The following EIF4G3 variants were observed in gnomAD, a reference collection of about 807,000 sequenced individuals.
The protein encoded by EIF4G3 is eukaryotic translation initiation factor 4 gamma 3, also known as eIF-4-gamma 3.
A neutral mutation model predicts 186.4 loss-of-function variants in EIF4G3; 34 were observed. That is an observed-to-expected ratio of 0.18 (90% CI 0.14 to 0.24). EIF4G3 has a LOEUF of 0.24. EIF4G3 is among the 10% of genes least tolerant of loss of function. The pLI is 1.00. For missense variants in EIF4G3, 1,536 were observed against 1,948.5 expected (o/e 0.79, Z 3.99); for synonymous variants, 673 against 679.5 (o/e 0.99, Z 0.15).
intron 14 of EIF4G3, among the ~76,000 whole-genome samples, chr1:20,912,261 A>G (rs1005779449): frequency 6.6e-6 from 1 of 152,242 alleles, no homozygotes; most frequent in Admixed American, 6.5e-5. Context: ...TGGGTGAAAG[A>G]GTGAGACTTG....
At chr1:20,846,584 C>T (rs1291893474) in intron 29 of EIF4G3, among the ~76,000 whole-genome samples, 1 of 152,130 alleles carries the variant, frequency 6.6e-6, no homozygotes, top group Non-Finnish European at 1.5e-5. Context: ...TAATTTACTA[C>T]CTATCTTTAG....
chr1:20,962,178 T>C (rs2096583408), intron 12 of EIF4G3, among the ~76,000 whole-genome samples: 1 of 152,190 alleles, frequency 6.6e-6, no homozygotes, highest in African/African-American at 2.4e-5. Flanking sequence ...ATTCAGGAGC[T>C]AGAGGAACTG....
chr1:20,914,979 T>C (rs2093696680), intron 14 of EIF4G3, among the ~76,000 whole-genome samples: 1 of 152,280 alleles, frequency 6.6e-6, no homozygotes, highest in Admixed American at 6.5e-5. Context: ...TTCTGTTTAC[T>C]GGTTCTACCA....
intron 20 of EIF4G3, among the ~76,000 whole-genome samples, chr1:20,869,183 T>G (rs1054778822): frequency 6.6e-6 from 1 of 152,158 alleles, no homozygotes; most frequent in African/African-American, 2.4e-5. Flanking sequence ...CCAGCAGTAG[T>G]TTTGCCCCCA....
chr1:20,854,691 C>G (rs545067419), intron 26 of EIF4G3, among the ~76,000 whole-genome samples: 51 of 149,148 alleles, frequency 3.4e-4, no homozygotes, highest in Non-Finnish European at 6.4e-4. Flanking sequence ...GGTGACAGAG[C>G]GGGATCCCAT....
intron 4 of EIF4G3, among the ~76,000 whole-genome samples, chr1:21,039,518 C>T (rs772033019): frequency 3.3e-5 from 5 of 152,170 alleles, no homozygotes; most frequent in Non-Finnish European, 5.9e-5. Flanking sequence ...AACTTGTGAG[C>T]GAGGCATGGT....
chr1:21,020,967 CATTT>C (rs932731495), intron 4 of EIF4G3, among the ~76,000 whole-genome samples: 1 of 150,132 alleles, frequency 6.7e-6, no homozygotes, highest in Non-Finnish European at 1.5e-5. Flanking sequence ...AGAATGCTGG[CATTT>C]ATTTCTTATT....
intron 26 of EIF4G3, 80 bp from the exon 27 acceptor site, chr1:20,853,757 G>A (rs7543140): frequency 0.6 from 622,841 of 1,045,554 alleles, 187,603 homozygotes; most frequent in East Asian, 0.79. Flanking sequence ...ATCCCTAGGT[G>A]AGGCCTGAGA....
intron 2 of EIF4G3, among the ~76,000 whole-genome samples, chr1:21,092,043 G>A (rs555510519): frequency 5.9e-5 from 9 of 152,326 alleles, no homozygotes; most frequent in African/African-American, 1.7e-4. Context: ...TAGGAGTGGT[G>A]AGAGAGGGGC....
At position 21,082,765 on chromosome 1, in the gene EIF4G3, G is replaced by A. The variant is rs138788956; in HGVS notation, c.-196+6373C>T. 3.2e-3 allele frequency among the ~76,000 whole-genome samples: 486 copies of A among 152,012 alleles called. 2 individuals are homozygous for A. Among genetic ancestry groups the A allele is most frequent in the African/African-American group, 0.011 (454 of 41,468 alleles). The stretch of plus-strand genomic sequence containing the variant: ...AAAAAGTTTAAAAAATTGGCCGGGC[G>A]CGGTGGCTCACGCCTGTAATCCTAG... On this transcript the variant is annotated intron_variant, in intron 3 of 36. Transcript: ENST00000602326.
At chr1:21,176,456 G>A (rs2098109148) in intron 1 of EIF4G3, 98 bp from the exon 2 acceptor site, 1 of 186,268 alleles carries the variant, frequency 5.4e-6, no homozygotes, top group Non-Finnish European at 1.1e-5. Context: ...AGGGGCCGGG[G>A]GCAGCGGGGG....
At chr1:20,887,592 T>A (rs1572227584) in intron 18 of EIF4G3, among the ~76,000 whole-genome samples, 1 of 151,742 alleles carries the variant, frequency 6.6e-6, no homozygotes, top group African/African-American at 2.4e-5. Flanking sequence ...ACCAATCTTG[T>A]CAAATGCATC....
chr1:21,033,870 C>T (rs1181288668), intron 4 of EIF4G3, among the ~76,000 whole-genome samples: 1 of 152,094 alleles, frequency 6.6e-6, no homozygotes, highest in East Asian at 1.9e-4. Context: ...GGAGGATAGA[C>T]TAAGGTGAGT....
intron 14 of EIF4G3, among the ~76,000 whole-genome samples, chr1:20,922,723 A>G (rs1189294435): frequency 3.3e-5 from 5 of 152,214 alleles, no homozygotes; most frequent in Non-Finnish European, 7.3e-5. Flanking sequence ...CAACATTTTT[A>G]CCAACCCACT....
intron 35 of EIF4G3, among the ~76,000 whole-genome samples, chr1:20,811,883 G>GT (rs2059317456): frequency 6.6e-6 from 1 of 151,776 alleles, no homozygotes; most frequent in South Asian, 2.1e-4. Context: ...CATTAGAAAA[G>GT]GAAATTAAAG....
At chr1:20,830,416 C>T (rs927646095) in intron 30 of EIF4G3, among the ~76,000 whole-genome samples, 2 of 152,160 alleles carry the variant, frequency 1.3e-5, no homozygotes, top group African/African-American at 2.4e-5. Context: ...TATTTGATGC[C>T]GAGGACGGTG....
chr1:21,155,523 A>T (rs151182536), intron 2 of EIF4G3, among the ~76,000 whole-genome samples: 175 of 152,140 alleles, frequency 1.2e-3, no homozygotes, highest in African/African-American at 4.0e-3. Context: ...GGAGACAGCA[A>T]GTGATTTACA....
chr1:21,157,621 C>CTCA (rs2097687571), intron 2 of EIF4G3, among the ~76,000 whole-genome samples: 3 of 152,076 alleles, frequency 2.0e-5, no homozygotes, highest in African/African-American at 7.2e-5. Context: ...CAGGTGTGAG[C>CTCA]CACCACACCC....
intron 30 of EIF4G3, among the ~76,000 whole-genome samples, chr1:20,837,211 G>A (rs547349864): frequency 6.6e-6 from 1 of 152,030 alleles, no homozygotes; most frequent in African/African-American, 2.4e-5. Flanking sequence ...GAGGCTTTCT[G>A]CTTTTCTTTT....
Sources: gnomAD v4.1 joint callset for allele counts (sites outside exome capture counted in the v4.1 genomes callset) on GRCh38, gnomAD v4.1.1 for gene constraint, MANE v1.5 for transcripts, NCBI Gene and HGNC (gene_info 2026-07-23, HGNC 2026-07-21) for gene names.